HIKESHI: variants seen among roughly 807,000 people sequenced by gnomAD.
HIKESHI encodes the protein protein Hikeshi.
In HIKESHI, 13 loss-of-function variants were observed where a neutral mutation model predicts 25.7. That is an observed-to-expected ratio of 0.51 (90% confidence interval 0.33 to 0.80). HIKESHI has a LOEUF of 0.80. Among genes scored for constraint, HIKESHI ranks in the 30% least tolerant of loss-of-function variants. HIKESHI has a pLI of 0.02. For missense variants in HIKESHI, 174 were observed against 229.5 expected (o/e 0.76, Z 1.56); for synonymous variants, 76 against 78.7 (o/e 0.97, Z 0.18).
At chr11:86,308,221 CATATAAAATATATATTAT>C (rs1946722838) in intron 2 of HIKESHI, among the ~76,000 whole-genome samples, 2 of 39,864 alleles carry the variant, frequency 5.0e-5, no homozygotes, top group South Asian at 8.5e-4. Flanking sequence ...ATATATATTA[CATATAAAATATATATTAT>C]ATATAAAATA....
intron 2 of HIKESHI, among the ~76,000 whole-genome samples, chr11:86,331,069 T>C (rs1051736666): frequency 6.6e-6 from 1 of 152,182 alleles, no homozygotes; most frequent in Non-Finnish European, 1.5e-5. Context: ...AGTTTTTTTT[T>C]GTTTTTCTTT....
At chr11:86,318,884 A>G (rs1306524094) in intron 2 of HIKESHI, among the ~76,000 whole-genome samples, 2 of 152,184 alleles carry the variant, frequency 1.3e-5, no homozygotes, top group African/African-American at 2.4e-5. Context: ...AGTTAAAAAA[A>G]CTGTAATACT....
intron 2 of HIKESHI, among the ~76,000 whole-genome samples, chr11:86,321,963 T>C (rs961779394): frequency 2.6e-5 from 4 of 152,060 alleles, no homozygotes; most frequent in African/African-American, 9.7e-5. Context: ...TTTGCATTTT[T>C]CTAATGACCA....
At chr11:86,308,972 A>G (rs1424587355) in intron 2 of HIKESHI, among the ~76,000 whole-genome samples, 3 of 151,804 alleles carry the variant, frequency 2.0e-5, no homozygotes, top group African/African-American at 7.3e-5. Flanking sequence ...TCTATCATTG[A>G]TGGACATTTG....
At chr11:86,327,154 C>A (rs1331602103) in intron 2 of HIKESHI, among the ~76,000 whole-genome samples, 1 of 151,918 alleles carries the variant, frequency 6.6e-6, no homozygotes, top group East Asian at 1.9e-4. Context: ...GGCAGAGAAA[C>A]CAATTAGGAA....
At chr11:86,340,564 C>T (rs572904721) in intron 3 of HIKESHI, among the ~76,000 whole-genome samples, 1 of 150,980 alleles carries the variant, frequency 6.6e-6, no homozygotes, top group African/African-American at 2.4e-5. Context: ...TGAGAAGTGT[C>T]TGTTCATATC....
intron 2 of HIKESHI, among the ~76,000 whole-genome samples, chr11:86,322,187 G>A (rs291217): frequency 0.54 from 81,433 of 151,642 alleles, 22,080 homozygotes; most frequent in Admixed American, 0.56. Context: ...GGGTTTCACC[G>A]TGCTGGTCAG....
chr11:86,335,637 T>C (rs1369638981), intron 2 of HIKESHI, among the ~76,000 whole-genome samples: 2 of 152,218 alleles, frequency 1.3e-5, no homozygotes, highest in African/African-American at 4.8e-5. Flanking sequence ...GGCAGAATTT[T>C]TTGGTTGCAG....
chr11:86,308,617 C>T (rs11601608), intron 2 of HIKESHI, among the ~76,000 whole-genome samples: 34,776 of 135,484 alleles, frequency 0.26, 4,953 homozygotes, highest in Non-Finnish European at 0.33. Flanking sequence ...ATGTGCAGAA[C>T]GTGCAGGTTC....
intron 3 of HIKESHI, among the ~76,000 whole-genome samples, chr11:86,338,147 G>A (rs1471168966): frequency 6.6e-6 from 1 of 152,026 alleles, no homozygotes; most frequent in Non-Finnish European, 1.5e-5. Context: ...CTGAAACTTT[G>A]TGCCCTTTGA....
intron 2 of HIKESHI, among the ~76,000 whole-genome samples, chr11:86,312,963 C>T (rs291200): frequency 0.45 from 68,090 of 151,982 alleles, 15,928 homozygotes; most frequent in Admixed American, 0.49. Flanking sequence ...GTGGGTAACC[C>T]GAGCTTTCTC....
At chr11:86,313,883 T>C (rs886171114) in intron 2 of HIKESHI, among the ~76,000 whole-genome samples, 1 of 152,180 alleles carries the variant, frequency 6.6e-6, no homozygotes, top group Non-Finnish European at 1.5e-5. Flanking sequence ...CTATTGGGCA[T>C]TCTTTTCTAG....
chr11:86,302,536 A>G, intron 1 of HIKESHI, 58 bp downstream of exon 1: 3 of 1,528,098 alleles, frequency 2.0e-6, no homozygotes, highest in Non-Finnish European at 2.7e-6. Context: ...GCGAAGCCCT[A>G]CGGCAGGGAG....
chr11:86,302,253 T>A lies in HIKESHI; in HGVS notation c.-196T>A. 1 of 625,232 alleles carries A rather than the reference T, an allele frequency of 1.6e-6. No individual in the cohort carries two copies. Among genetic ancestry groups the A allele is most frequent in the African/African-American group, 1.8e-5 (1 of 55,076 alleles). 38.7% of individuals were successfully genotyped at this position (625,232 alleles called of 1,614,324 possible). A position where few individuals can be genotyped will look rare whatever the true frequency, so the allele number is the denominator to read the frequency against. On this transcript the variant is annotated 5_prime_UTR_variant, in exon 1 of 5. Transcript: ENST00000278483. ...CCGGAAGTACTTGTTGCCTGAGCAG[T>A]GGGCTGCTTAGGAAGAGAAGGTCAG...
In HIKESHI at chr11:86,315,433, G is replaced by A. The variant is rs377311774; in HGVS notation, c.268+8951G>A. 1.3e-5 allele frequency among the ~76,000 whole-genome samples: 2 copies of A among 151,764 alleles called. 1 individual carries two copies. Among genetic ancestry groups the A allele is most frequent in the South Asian group, 4.2e-4 (2 of 4,812 alleles). On this transcript the variant is annotated intron_variant, in intron 2 of 4. Coordinates refer to ENST00000278483, the MANE Select transcript of HIKESHI (RefSeq NM_016401.4). ...CCTCCTGGGTTCAAGCAGTGCTCCC[G>A]CCTCAGCCTCCCAAGTAGCTGAGAT... is the stretch of plus-strand genomic sequence containing the variant.
In HIKESHI at chr11:86,302,283, C is replaced by G. The variant is rs1946512489; in HGVS notation, c.-166C>G. ...TGCTTAGGAAGAGAAGGTCAGAGTT[C>G]GCGGGGGCAGAGGCATTCTTGCCGC... On this transcript the variant is annotated 5_prime_UTR_variant, in exon 1 of 5. Transcript: ENST00000278483. 2 of 755,902 alleles carry G rather than the reference C, an allele frequency of 2.6e-6. No individual in the cohort carries two copies. The highest frequency in any genetic ancestry group is 4.3e-5 in the Admixed American group (2 of 46,356). 46.8% of individuals were successfully genotyped at this position (755,902 alleles called of 1,614,324 possible).
chr11:86,311,771 A>T (rs143857755), intron 2 of HIKESHI, among the ~76,000 whole-genome samples: 431 of 152,164 alleles, frequency 2.8e-3, no homozygotes, highest in African/African-American at 0.01. Flanking sequence ...CTTTATTCTT[A>T]TTGGTTTCAA....
At chr11:86,344,030 T>C (rs1947802621) in intron 3 of HIKESHI, 1 of 152,222 alleles carries the variant, frequency 6.6e-6, no homozygotes, top group Admixed American at 6.5e-5. Flanking sequence ...ACAGAGGAAA[T>C]GGAATAGTGC....
chr11:86,303,428 C>T lies in HIKESHI; in HGVS notation c.30+950C>T, dbSNP rs1330438990. ...GTTTGTCTCTTGAATGACTGGGAGA[C>T]CCCTGTGGTGATGGTGGTAATTCAT... On this transcript the variant is annotated intron_variant, in intron 1 of 4. Coordinates refer to ENST00000278483, the MANE Select transcript of HIKESHI (RefSeq NM_016401.4). 3 of 983,008 alleles carry T rather than the reference C, an allele frequency of 3.1e-6. No homozygotes were observed. The African/African-American group carries it at 5.3e-5, about 17-fold the overall frequency. The allele number at this position is 983,008 out of a possible 1,614,324, so 60.9% of individuals were successfully genotyped here.
Sources: allele counts gnomAD v4.1 joint callset (sites outside exome capture counted in the v4.1 genomes callset), GRCh38; gene constraint gnomAD v4.1.1; transcripts MANE v1.5; gene names NCBI Gene and HGNC (gene_info 2026-07-23, HGNC 2026-07-21).